LPIN1: variants seen among roughly 807,000 people sequenced by gnomAD.
The protein encoded by LPIN1 is lipin 1.
LPIN1 carries 71 observed loss-of-function variants against 107.5 expected under a neutral mutation model. The ratio of observed to expected loss-of-function variants is 0.66; its 90% CI spans 0.55 to 0.80. LPIN1 has a LOEUF of 0.80. LPIN1 is among the 30% of genes least tolerant of loss of function. LPIN1 has a pLI of 0.00. For missense variants in LPIN1, 1,043 were observed against 1,160.6 expected, an observed-to-expected ratio of 0.90 and a Z score of 1.47; for synonymous variants, 445 against 452.6, an observed-to-expected ratio of 0.98 and a Z score of 0.21.
At chr2:11,714,844 G>A (rs1663626284) in intron 2 of LPIN1, among the ~76,000 whole-genome samples, 1 of 152,244 alleles carries the variant, frequency 6.6e-6, no homozygotes, top group South Asian at 2.1e-4. Context: ...CTGAAACAGA[G>A]TGTGGACTAA....
intron 1 of LPIN1, among the ~76,000 whole-genome samples, chr2:11,686,429 G>C (rs1268119779): frequency 6.6e-6 from 1 of 152,200 alleles, no homozygotes; most frequent in Non-Finnish European, 1.5e-5. Flanking sequence ...CAGGAGAGGA[G>C]GGCTAGAACG....
At chr2:11,787,604 T>C (rs1429961766) in intron 11 of LPIN1, among the ~76,000 whole-genome samples, 1 of 152,060 alleles carries the variant, frequency 6.6e-6, no homozygotes, top group African/African-American at 2.4e-5. Context: ...CACTCTGCAG[T>C]ACATGGGTAT....
intron 1 of LPIN1, among the ~76,000 whole-genome samples, chr2:11,754,414 AAGTGCCAGAGAAGTCTTC>A (rs1668351085): frequency 6.6e-6 from 1 of 152,212 alleles, no homozygotes; most frequent in Non-Finnish European, 1.5e-5. Flanking sequence ...GGAGCTGAGC[AAGTGCCAGAGAAGTCTTC>A]AATCACAGAC....
intron 1 of LPIN1, among the ~76,000 whole-genome samples, chr2:11,747,854 G>A (rs904567449): frequency 1.3e-5 from 2 of 152,212 alleles, no homozygotes; most frequent in Non-Finnish European, 2.9e-5. Flanking sequence ...CATGGGTTGT[G>A]TGTTTTGGCG....
chr2:11,727,473 C>A (rs976710079), intron 1 of LPIN1, among the ~76,000 whole-genome samples: 6 of 152,204 alleles, frequency 3.9e-5, no homozygotes, highest in African/African-American at 1.4e-4. Context: ...TGGAATCAGT[C>A]AGTTCTCCAG....
rs201237392 is a variant in LPIN1, at chr2:11,688,565, G to C, written c.81+10837G>C. 5.3e-5 allele frequency among the ~76,000 whole-genome samples: 8 copies of C among 152,256 alleles called. No homozygotes were observed. In the East Asian group the frequency reaches 1.4e-3, roughly 26 times the overall value. On this transcript the variant is annotated intron_variant, in intron 1 of 21. Coordinates refer to the LPIN1 transcript ENST00000449576. The stretch of plus-strand genomic sequence containing the variant: ...TCGCAGAAACATCTTGCGGTCGCTC[G>C]GGTCCCGGTGTCCTGGCCCAGAAAT...
chr2:11,714,921 G>T (rs949648993), intron 2 of LPIN1, among the ~76,000 whole-genome samples: 1 of 152,226 alleles, frequency 6.6e-6, no homozygotes, highest in Admixed American at 6.5e-5. Context: ...TCGTTGAGAC[G>T]AATCCAGAGG....
rs1412787022 is a variant in LPIN1 at position 11,824,947 on chromosome 2, C to T, written c.*156C>T. The T allele has an allele frequency of 1.2e-5, 10 of 813,210 alleles. No individual in the cohort carries two copies. The highest frequency in any genetic ancestry group is 1.8e-5 in the Non-Finnish European group (9 of 513,266). 50.4% of individuals were successfully genotyped at this position (813,210 alleles called of 1,614,324 possible). A position where few individuals can be genotyped will look rare whatever the true frequency, so the allele number is the denominator to read the frequency against. On this transcript the variant is annotated 3_prime_UTR_variant, in exon 21 of 21. Coordinates refer to ENST00000674199, the MANE Select transcript of LPIN1 (RefSeq NM_001349206.2). ...TGAGAAGCATTTCTCCCCTGCCCCA[C>T]CCCGGGGCTGACATTTCTAAGCAAG...
chr2:11,693,421 A>C (rs1662370114), intron 1 of LPIN1, among the ~76,000 whole-genome samples: 1 of 152,124 alleles, frequency 6.6e-6, no homozygotes, highest in Non-Finnish European at 1.5e-5. Flanking sequence ...AGAGCCCTGC[A>C]CTATTCGGAG....
At chr2:11,780,732 T>C (rs1264520718) in intron 7 of LPIN1, among the ~76,000 whole-genome samples, 2 of 152,210 alleles carry the variant, frequency 1.3e-5, no homozygotes, top group African/African-American at 4.8e-5. Context: ...AACCTCAGTG[T>C]CTTCATCTGT....
At chr2:11,764,087 TATATATATATATATATACACAC>T (rs1670358917) in intron 1 of LPIN1, 2 of 112,792 alleles carry the variant, frequency 1.8e-5, no homozygotes, top group African/African-American at 8.0e-5. Flanking sequence ...TGTATATATA[TATATATATATATATATACACAC>T]ACACACACAC....
intron 1 of LPIN1, among the ~76,000 whole-genome samples, chr2:11,760,140 C>CGG (rs1669538706): frequency 6.6e-6 from 1 of 151,888 alleles, no homozygotes; most frequent in Admixed American, 6.5e-5. Flanking sequence ...GGCAGAGATG[C>CGG]TCCTCACTTC....
At position 11,789,894 on chromosome 2, in the gene LPIN1, C is replaced by T. The variant is rs536932527; in HGVS notation, c.1713+1438C>T. Among the ~76,000 whole-genome samples, 3 of 152,076 alleles carry T rather than the reference C, an allele frequency of 2.0e-5. No homozygotes were observed. The South Asian group carries it at 6.2e-4, about 32-fold the overall frequency. ...ATGCATGCTAAATCTTTCTACAAGT[C>T]AGTAACTTTTGACTATATATGGCAT... is the stretch of plus-strand genomic sequence containing the variant. On this transcript the variant is annotated intron_variant, in intron 12 of 20. Coordinates refer to ENST00000674199, the MANE Select transcript of LPIN1 (RefSeq NM_001349206.2).
rs150981351 is a variant in LPIN1 at position 11,688,083 on chromosome 2, G to C, written c.81+10355G>C. On this transcript the variant is annotated intron_variant, in intron 1 of 21. Coordinates refer to the LPIN1 transcript ENST00000449576. ...CTGAGTGTCAGTGGTGGCCCAGGGA[G>C]TTGAGCCTCTCCATAGTTCTCAATG... Among the ~76,000 whole-genome samples, 924 of 152,346 alleles carry C rather than the reference G, an allele frequency of 6.1e-3. 14 individuals carry two copies. Among genetic ancestry groups the C allele is most frequent in the African/African-American group, 0.021 (868 of 41,568 alleles).
chr2:11,795,874 A>G (rs549378398), intron 14 of LPIN1, among the ~76,000 whole-genome samples: 3 of 152,332 alleles, frequency 2.0e-5, no homozygotes, highest in East Asian at 1.9e-4. Context: ...TTCTGAAGGA[A>G]CTTGCCTTTC....
rs890679342 is a variant in LPIN1 at position 11,786,166 on chromosome 2, G to C, written c.1550-908G>C. ...CAGTCCTTACAGGTGAGGCCAGATCGTCACAGTCAGGAGACCCCAGGAGAG... is the reference window on the plus strand; with the variant it reads ...CAGTCCTTACAGGTGAGGCCAGATCCTCACAGTCAGGAGACCCCAGGAGAG... On this transcript the variant is annotated intron_variant, in intron 10 of 20. Coordinates refer to ENST00000674199, the MANE Select transcript of LPIN1 (RefSeq NM_001349206.2). This position sits in a 1 kb window ranked among gnomAD's most constrained non-coding sequence, Gnocchi z 4.1. Among the ~76,000 whole-genome samples, 4 of 152,132 alleles carry C rather than the reference G, an allele frequency of 2.6e-5. No individual in the cohort carries two copies. The highest frequency in any genetic ancestry group is 9.7e-5 in the African/African-American group (4 of 41,400).
intron 7 of LPIN1, 77 bp downstream of exon 7, chr2:11,779,722 A>G (rs1673255364): frequency 1.9e-6 from 3 of 1,589,488 alleles, no homozygotes; most frequent in Non-Finnish European, 2.6e-6. Flanking sequence ...GTATCATAGC[A>G]TAGCCAAGAA....
In LPIN1 at chr2:11,771,390, C is replaced by T; in HGVS notation, c.307C>T (p.Leu103=). 1 of 1,614,186 alleles carries T rather than the reference C, an allele frequency of 6.2e-7. No homozygotes were observed. The stretch of plus-strand genomic sequence containing the variant: ...TTCTTAGGAAGTTATCCCTATGCAC[C>T]TGGCCACCTCCCCCATCCTGTCAGA... The part of the protein sequence containing the change: ...DNDQEVIPMH[L]ATSPILSEGA... The change falls in exon 4 of 21, where the codon CTG becomes TTG. Residue 103 remains leucine (L), a synonymous_variant. Transcript: ENST00000674199. The surrounding 1 kb of genome is among the most constrained non-coding windows in gnomAD (Gnocchi z 4.8).
intron 1 of LPIN1, among the ~76,000 whole-genome samples, chr2:11,736,659 C>G (rs1035945048): frequency 6.6e-6 from 1 of 152,192 alleles, no homozygotes; most frequent in Non-Finnish European, 1.5e-5. Flanking sequence ...TAGATTCATC[C>G]GGTATACACT....
Sources: allele counts gnomAD v4.1 joint callset (sites outside exome capture counted in the v4.1 genomes callset), GRCh38; gene constraint gnomAD v4.1.1; non-coding constraint Gnocchi (gnomAD v3.1); transcripts MANE v1.5; gene names NCBI Gene and HGNC (gene_info 2026-07-23, HGNC 2026-07-21).